DBF4B: variants seen among roughly 807,000 people sequenced by gnomAD.
The protein encoded by DBF4B is protein DBF4 homolog B.
Under a neutral mutation model 53.4 loss-of-function variants are expected in DBF4B, and 49 were observed. The observed-to-expected ratio is 0.92, with a 90% CI of 0.73 to 1.16. The LOEUF is 1.16. DBF4B is among the 50% of genes most tolerant of loss of function. The pLI is 0.00. For missense variants in DBF4B, 692 were observed against 775.0 expected (o/e 0.89, Z 1.27); for synonymous variants, 257 against 288.7 (o/e 0.89, Z 1.11).
intron 2 of DBF4B, among the ~76,000 whole-genome samples, chr17:44,719,417 G>C (rs1298808343): frequency 1.3e-5 from 2 of 152,102 alleles, no homozygotes; most frequent in East Asian, 3.9e-4. Context: ...CTCCAAAAAA[G>C]AATACCCATT....
chr17:44,716,175 T>C (rs1598763781), intron 2 of DBF4B, among the ~76,000 whole-genome samples: 2 of 152,112 alleles, frequency 1.3e-5, no homozygotes, highest in East Asian at 3.9e-4. Context: ...GATCTTTGTT[T>C]ACCTATTCAT....
chr17:44,724,932 C>G (rs750248004), intron 3 of DBF4B, among the ~76,000 whole-genome samples: 2 of 152,138 alleles, frequency 1.3e-5, no homozygotes, highest in African/African-American at 2.4e-5. Flanking sequence ...GCCTGACCAA[C>G]ATGGAGAAAC....
chr17:44,745,036 A>G (rs949202685), intron 10 of DBF4B, among the ~76,000 whole-genome samples: 4 of 152,060 alleles, frequency 2.6e-5, no homozygotes, highest in Non-Finnish European at 5.9e-5. Flanking sequence ...GGCTCAGGCA[A>G]TCCTCCCATC....
intron 3 of DBF4B, 29 bp downstream of exon 3, chr17:44,723,051 C>G (rs180805385): frequency 1.2e-6 from 2 of 1,612,150 alleles, no homozygotes; most frequent in East Asian, 2.2e-5. Context: ...TCCTGCGATG[C>G]CATGTGCCTT....
chr17:44,712,525 T>A (rs1423802298), intron 2 of DBF4B, among the ~76,000 whole-genome samples: 1 of 151,774 alleles, frequency 6.6e-6, no homozygotes, highest in Non-Finnish European at 1.5e-5. Context: ...AGGATGGTCT[T>A]GATCTCCTGG....
At chr17:44,732,497 G>A (rs1001046196) in intron 6 of DBF4B, 30 of 511,556 alleles carry the variant, frequency 5.9e-5, no homozygotes, top group East Asian at 5.7e-4. Flanking sequence ...AGAACATGCC[G>A]TTTCATGTCA....
chr17:44,721,486 T>C (rs1973840557), intron 2 of DBF4B, among the ~76,000 whole-genome samples: 1 of 152,176 alleles, frequency 6.6e-6, no homozygotes, highest in Non-Finnish European at 1.5e-5. Flanking sequence ...CCCAGAGTGC[T>C]GGGATTACAG....
chr17:44,722,838 CT>C (rs768908544), intron 2 of DBF4B, 41 bp from the exon 3 acceptor site: 51 of 1,609,632 alleles, frequency 3.2e-5, no homozygotes, highest in Non-Finnish European at 4.1e-5. Context: ...TCAGGACTCT[CT>C]TTTCAAACTT....
At chr17:44,728,189 A>G (rs927057027) in intron 3 of DBF4B, among the ~76,000 whole-genome samples, 6 of 152,056 alleles carry the variant, frequency 3.9e-5, no homozygotes, top group African/African-American at 1.4e-4. Flanking sequence ...TATCATAACT[A>G]TATGCAATAA....
intron 3 of DBF4B, 88 bp from the exon 4 acceptor site, chr17:44,729,817 C>A (rs943911585): frequency 1.1e-5 from 16 of 1,429,194 alleles, no homozygotes; most frequent in Non-Finnish European, 1.5e-5. Context: ...GAACTCCTGG[C>A]AGCCAAGATT....
rs1169675238 is a variant in DBF4B at position 44,729,893 on chromosome 17, A to G, written c.226-12A>G. On this transcript the variant is annotated splice_polypyrimidine_tract_variant and intron_variant, in intron 3 of 13. Coordinates refer to ENST00000315005, the MANE Select transcript of DBF4B (RefSeq NM_145663.3). Reference sequence around the variant, plus strand: ...TTTTTGGTTTTCAGCCACCTCTGTGATCTGGTTTCAGGTAATTGAGGGTTT... The same window carrying G: ...TTTTTGGTTTTCAGCCACCTCTGTGGTCTGGTTTCAGGTAATTGAGGGTTT... 1.2e-6 allele frequency: 2 copies of G among 1,610,562 alleles called. No homozygotes were observed. The highest frequency in any genetic ancestry group is 2.7e-5 in the African/African-American group (2 of 74,848).
intron 3 of DBF4B, among the ~76,000 whole-genome samples, chr17:44,726,011 C>T (rs1287820825): frequency 2.0e-5 from 3 of 149,466 alleles, no homozygotes; most frequent in South Asian, 2.1e-4. Context: ...TTTTTTGAGA[C>T]GGAGTCTTGC....
At chr17:44,742,849 C>G (rs980649050) in intron 10 of DBF4B, among the ~76,000 whole-genome samples, 1 of 152,088 alleles carries the variant, frequency 6.6e-6, no homozygotes, top group Non-Finnish European at 1.5e-5. Context: ...GAATTCAGCT[C>G]AGGTGATGGG....
In DBF4B at chr17:44,748,392, G is replaced by A; in HGVS notation, c.1116G>A (p.Leu372=). The part of the protein sequence containing the change: ...SDCDPLCPET[L]HPHQPSHPRA... ...GTGACCCTCTCTGTCCTGAGACTCT[G>A]CACCCCCATCAGCCCTCCCATCCCA... The change falls in exon 13 of 14, where the codon CTG becomes CTA. Residue 372 remains leucine (L), a synonymous_variant. Coordinates refer to ENST00000315005, the MANE Select transcript of DBF4B (RefSeq NM_145663.3). The A allele has an allele frequency of 6.2e-7, 1 of 1,613,336 alleles. No homozygotes were observed. The highest frequency in any genetic ancestry group is 1.1e-5 in the South Asian group (1 of 90,976).
intron 3 of DBF4B, among the ~76,000 whole-genome samples, chr17:44,724,904 G>A (rs1974161639): frequency 6.6e-6 from 1 of 152,058 alleles, no homozygotes; most frequent in African/African-American, 2.4e-5. Flanking sequence ...ATCACCTAAG[G>A]TCAGGAGTTT....
At chr17:44,733,334 C>T (rs773684589) in intron 6 of DBF4B, among the ~76,000 whole-genome samples, 1 of 152,216 alleles carries the variant, frequency 6.6e-6, no homozygotes, top group Non-Finnish European at 1.5e-5. Flanking sequence ...TAGTGTGGCC[C>T]ACCACTCTCA....
Position 44,729,997 on chromosome 17 carries a change from C to T in DBF4B, c.318C>T (p.Gly106=). 1 of 1,613,910 alleles carries T rather than the reference C, an allele frequency of 6.2e-7. No homozygotes were observed. The highest frequency in any genetic ancestry group is 8.5e-7 in the Non-Finnish European group (1 of 1,180,034). The change falls in exon 4 of 14, where the codon GGC becomes GGT. Residue 106 remains glycine, a synonymous_variant. Transcript: ENST00000315005. Reference sequence around the variant, plus strand: ...AGAGCAGTGGGAAAAGCCATAGAGGCTGCCCTAGCCCTAGCCCCAGTGAGG... The same window carrying T: ...AGAGCAGTGGGAAAAGCCATAGAGGTTGCCCTAGCCCTAGCCCCAGTGAGG... ...KAESSGKSHR[G]CPSPSPSEVR... is the part of the protein sequence containing the mutation.
intron 2 of DBF4B, among the ~76,000 whole-genome samples, chr17:44,712,985 T>C (rs567669990): frequency 5.3e-5 from 8 of 151,868 alleles, no homozygotes; most frequent in Non-Finnish European, 1.2e-4. Flanking sequence ...CCTTTCCTTT[T>C]ATCTCCCCAG....
chr17:44,727,297 T>G (rs921237551), intron 3 of DBF4B, among the ~76,000 whole-genome samples: 1 of 151,542 alleles, frequency 6.6e-6, no homozygotes, highest in African/African-American at 2.4e-5. Flanking sequence ...CACGCACTTG[T>G]AGTCCCAGCT....
Sources: gnomAD v4.1 joint callset for allele counts (sites outside exome capture counted in the v4.1 genomes callset) on GRCh38, gnomAD v4.1.1 for gene constraint, MANE v1.5 for transcripts, NCBI Gene and HGNC (gene_info 2026-07-23, HGNC 2026-07-21) for gene names.